Variants in GABRG3 observed in about 807,000 individuals in gnomAD.
GABRG3 encodes the protein gamma-aminobutyric acid receptor subunit gamma-3.
GABRG3 carries 25 observed loss-of-function variants against 48.8 expected under a neutral mutation model. The observed-to-expected ratio is 0.51, with a 90% CI of 0.37 to 0.72. The LOEUF is 0.72. Ranked by LOEUF, GABRG3 falls within the 30% of genes least tolerant of loss-of-function variation. GABRG3 has a pLI of 0.00. For missense variants in GABRG3, 394 were observed against 577.9 expected, an observed-to-expected ratio of 0.68 and a Z score of 3.26; for synonymous variants, 227 against 217.6, an observed-to-expected ratio of 1.04 and a Z score of -0.38.
At chr15:27,250,998 A>G (rs940356369) in intron 3 of GABRG3, among the ~76,000 whole-genome samples, 1 of 152,172 alleles carries the variant, frequency 6.6e-6, no homozygotes, top group African/African-American at 2.4e-5. Flanking sequence ...ATCACAGTGC[A>G]GTCCACACTT....
At chr15:27,350,155 T>G in intron 5 of GABRG3, 1 of 456,040 alleles carries the variant, frequency 2.2e-6, no homozygotes, top group South Asian at 1.5e-5. Flanking sequence ...GATTGTCTCT[T>G]CATGCATATC....
At chr15:27,501,898 G>A (rs1890650009) in intron 6 of GABRG3, among the ~76,000 whole-genome samples, 1 of 152,104 alleles carries the variant, frequency 6.6e-6, no homozygotes, top group African/African-American at 2.4e-5. Flanking sequence ...GACAATGACA[G>A]CTTTTAGGGG....
intron 3 of GABRG3, among the ~76,000 whole-genome samples, chr15:27,145,372 A>C (rs1898179697): frequency 6.6e-6 from 1 of 152,150 alleles, no homozygotes. Flanking sequence ...AATCAAAATA[A>C]AATTCTAGAG....
chr15:27,434,481 A>T (rs1460149703), intron 5 of GABRG3, among the ~76,000 whole-genome samples: 1 of 152,256 alleles, frequency 6.6e-6, no homozygotes, highest in Non-Finnish European at 1.5e-5. Flanking sequence ...GATTTGAAAC[A>T]TTTCATATTT....
chr15:27,072,121 TA>T (rs1424033939), intron 3 of GABRG3, among the ~76,000 whole-genome samples: 1 of 152,230 alleles, frequency 6.6e-6, no homozygotes, highest in Non-Finnish European at 1.5e-5. Context: ...CATGCTTTCG[TA>T]ATGACAGCTT....
At chr15:27,186,409 G>A (rs746529031) in intron 3 of GABRG3, among the ~76,000 whole-genome samples, 9 of 152,032 alleles carry the variant, frequency 5.9e-5, no homozygotes, top group Non-Finnish European at 1.2e-4. Flanking sequence ...TCCAATCTAG[G>A]TGTTGATGGA....
chr15:27,156,563 T>G (rs1898434191), intron 3 of GABRG3, among the ~76,000 whole-genome samples: 1 of 152,182 alleles, frequency 6.6e-6, no homozygotes, highest in South Asian at 2.1e-4. Context: ...ATTCTCAGTC[T>G]TATTATGATT....
chr15:27,085,824 A>C (rs1484762276), intron 3 of GABRG3, among the ~76,000 whole-genome samples: 1 of 152,210 alleles, frequency 6.6e-6, no homozygotes, highest in Non-Finnish European at 1.5e-5. Context: ...TCTCCCTAGC[A>C]TATTATTTTA....
intron 3 of GABRG3, among the ~76,000 whole-genome samples, chr15:27,241,735 T>A (rs1221389497): frequency 1.3e-5 from 2 of 152,236 alleles, no homozygotes; most frequent in African/African-American, 2.4e-5. Context: ...AAATTGAACA[T>A]CTGTCTTTTC....
At chr15:27,284,014 A>G (rs9652570) in intron 3 of GABRG3, among the ~76,000 whole-genome samples, 13,530 of 152,238 alleles carry the variant, frequency 0.089, 1,404 homozygotes, top group African/African-American at 0.25. Flanking sequence ...CTTTGCCCAA[A>G]GAACTCACCT....
intron 5 of GABRG3, among the ~76,000 whole-genome samples, chr15:27,454,082 G>T (rs1253835914): frequency 1.3e-5 from 2 of 152,208 alleles, no homozygotes; most frequent in South Asian, 4.1e-4. Context: ...CACTGAGCAG[G>T]CTCACCCAGA....
At chr15:27,439,289 A>C (rs1888711537) in intron 5 of GABRG3, among the ~76,000 whole-genome samples, 1 of 152,208 alleles carries the variant, frequency 6.6e-6, no homozygotes, top group African/African-American at 2.4e-5. Context: ...CTGGTTAAAA[A>C]GTAGAGTTGG....
chr15:27,159,355 A>G (rs1898516214), intron 3 of GABRG3, among the ~76,000 whole-genome samples: 1 of 151,828 alleles, frequency 6.6e-6, no homozygotes, highest in Non-Finnish European at 1.5e-5. Context: ...GCTGGTGCGC[A>G]CCTGTAATCC....
At chr15:27,019,920 G>A (rs1157500864) in intron 2 of GABRG3, among the ~76,000 whole-genome samples, 1 of 152,102 alleles carries the variant, frequency 6.6e-6, no homozygotes, top group African/African-American at 2.4e-5. Flanking sequence ...AGTGCCTAGG[G>A]TGATTTTTAA....
intron 5 of GABRG3, chr15:27,418,918 G>C (rs1367323984): frequency 1.3e-5 from 2 of 152,192 alleles, no homozygotes; most frequent in Non-Finnish European, 2.9e-5. Context: ...TGGTTGCCAT[G>C]ACAACTCGGG....
intron 3 of GABRG3, among the ~76,000 whole-genome samples, chr15:27,185,603 A>G (rs957338889): frequency 6.6e-6 from 1 of 152,110 alleles, no homozygotes; most frequent in Non-Finnish European, 1.5e-5. Flanking sequence ...TTTCTGTCTA[A>G]TGGTTCTGTC....
intron 2 of GABRG3, among the ~76,000 whole-genome samples, chr15:27,024,291 A>G (rs1895947489): frequency 6.6e-6 from 1 of 152,204 alleles, no homozygotes; most frequent in Non-Finnish European, 1.5e-5. Flanking sequence ...CTATATGCAC[A>G]GAAGTTTTAA....
intron 3 of GABRG3, among the ~76,000 whole-genome samples, chr15:27,205,204 G>A (rs1888814094): frequency 6.6e-6 from 1 of 152,000 alleles, no homozygotes; most frequent in South Asian, 2.1e-4. Flanking sequence ...GTCATAGATG[G>A]CTGTTATTAT....
intron 3 of GABRG3, among the ~76,000 whole-genome samples, chr15:27,266,143 G>A (rs1466661120): frequency 6.6e-6 from 1 of 151,802 alleles, no homozygotes; most frequent in Non-Finnish European, 1.5e-5. Flanking sequence ...GCCTCCCAAA[G>A]TGCTGGGATT....
Sources: allele counts gnomAD v4.1 joint callset (sites outside exome capture counted in the v4.1 genomes callset), GRCh38; gene constraint gnomAD v4.1.1; transcripts MANE v1.5; gene names NCBI Gene and HGNC (gene_info 2026-07-23, HGNC 2026-07-21).